The following UTRN variants were observed in gnomAD, a reference collection of about 807,000 sequenced individuals.
UTRN encodes the protein utrophin.
In UTRN, 283 loss-of-function variants were observed where a neutral mutation model predicts 463.9. The ratio of observed to expected loss-of-function variants is 0.61; its 90% CI spans 0.55 to 0.67. The LOEUF is 0.67. Among genes scored for constraint, UTRN ranks in the 30% least tolerant of loss-of-function variants. The pLI is 0.00. For missense variants in UTRN, 3,922 were observed against 4,084.3 expected (o/e 0.96, Z 1.08); for synonymous variants, 1,442 against 1,431.5 (o/e 1.01, Z -0.17).
chr6:144,802,826 T>C (rs2128747200), intron 64 of UTRN, among the ~76,000 whole-genome samples: 1 of 152,320 alleles, frequency 6.6e-6, no homozygotes, highest in East Asian at 1.9e-4. Context: ...CCTATCATTT[T>C]CCATTCGTAT....
intron 2 of UTRN, among the ~76,000 whole-genome samples, chr6:144,386,981 C>A (rs765098798): frequency 4.6e-5 from 7 of 152,046 alleles, no homozygotes; most frequent in Non-Finnish European, 7.4e-5. Context: ...CATCAAAGTA[C>A]ATAAGCAAAG....
chr6:144,507,397 G>A (rs1419425347), intron 34 of UTRN, among the ~76,000 whole-genome samples: 7 of 151,962 alleles, frequency 4.6e-5, no homozygotes, highest in East Asian at 1.9e-4. Flanking sequence ...CCTCATCTTC[G>A]TGGATTTATC....
chr6:144,329,512 T>G (rs148671926), intron 2 of UTRN, among the ~76,000 whole-genome samples: 4 of 152,324 alleles, frequency 2.6e-5, no homozygotes, highest in Non-Finnish European at 5.9e-5. Context: ...ACTTCTAGCA[T>G]CTCTAACCTC....
chr6:144,742,434 A>G (rs1790204445), intron 54 of UTRN, among the ~76,000 whole-genome samples: 2 of 152,186 alleles, frequency 1.3e-5, no homozygotes, highest in African/African-American at 4.8e-5. Flanking sequence ...GAAATAATGT[A>G]TTTCCCAATA....
chr6:144,329,984 A>G (rs1461541342), intron 2 of UTRN, among the ~76,000 whole-genome samples: 1 of 152,230 alleles, frequency 6.6e-6, no homozygotes, highest in Non-Finnish European at 1.5e-5. Flanking sequence ...CGAGAACCAG[A>G]CATCAAATTG....
intron 2 of UTRN, among the ~76,000 whole-genome samples, chr6:144,348,044 A>G (rs956588724): frequency 4.0e-5 from 6 of 151,812 alleles, no homozygotes; most frequent in African/African-American, 1.5e-4. Context: ...ATGGGATCTC[A>G]CTATGTTGCC....
intron 51 of UTRN, among the ~76,000 whole-genome samples, chr6:144,580,113 C>T (rs1801822058): frequency 6.6e-6 from 1 of 152,096 alleles, no homozygotes; most frequent in Non-Finnish European, 1.5e-5. Flanking sequence ...AGTAAACAGA[C>T]ATTTAAAATA....
chr6:144,344,107 A>AC, intron 2 of UTRN: 4 of 1,160,146 alleles, frequency 3.4e-6, no homozygotes, highest in Non-Finnish European at 4.3e-6. Context: ...AAAAAAAAAA[A>AC]AAACCCAAAA....
At chr6:144,840,636 A>C in intron 72 of UTRN, 104 bp from the exon 73 acceptor site, 1 of 1,250,680 alleles carries the variant, frequency 8.0e-7, no homozygotes, top group Middle Eastern at 2.0e-4. Flanking sequence ...TTTCACATTG[A>C]TATTTAGAGG....
intron 50 of UTRN, among the ~76,000 whole-genome samples, chr6:144,561,437 CAT>C (rs1236784209): frequency 1.3e-5 from 2 of 151,484 alleles, no homozygotes; most frequent in Non-Finnish European, 1.5e-5. Context: ...TATATACACA[CAT>C]AGTTATCTAC....
At chr6:144,553,437 G>A (rs990351383) in intron 48 of UTRN, among the ~76,000 whole-genome samples, 3 of 152,122 alleles carry the variant, frequency 2.0e-5, no homozygotes, top group South Asian at 2.1e-4. Flanking sequence ...TTGTAGTTAC[G>A]TTCCTCTTGG....
At chr6:144,698,072 G>A (rs1784202566) in intron 52 of UTRN, among the ~76,000 whole-genome samples, 1 of 152,090 alleles carries the variant, frequency 6.6e-6, no homozygotes, top group African/African-American at 2.4e-5. Context: ...TAAAAATATT[G>A]GAAAGAAATT....
At chr6:144,692,458 G>T (rs1032802641) in intron 52 of UTRN, among the ~76,000 whole-genome samples, 2 of 152,148 alleles carry the variant, frequency 1.3e-5, no homozygotes, top group Non-Finnish European at 2.9e-5. Context: ...AGGTCTTTGA[G>T]GAGTCGCCAC....
intron 51 of UTRN, among the ~76,000 whole-genome samples, chr6:144,641,876 A>C (rs375458927): frequency 9.8e-5 from 15 of 152,350 alleles, no homozygotes; most frequent in African/African-American, 3.1e-4. Flanking sequence ...AGTTCACAGA[A>C]ATATTGCTGA....
At position 144,527,642 on chromosome 6, in the gene UTRN, C is replaced by T. The variant is rs1796679052; in HGVS notation, c.5907-3410C>T. ...TTGGGAACACAAATTATTCTTTGGT[C>T]TTTTAACATATTCCCAAACTTCATG... On this transcript the variant is annotated intron_variant, in intron 41 of 74. Coordinates refer to ENST00000367545, the MANE Select transcript of UTRN (RefSeq NM_007124.3). Among the ~76,000 whole-genome samples, 4 of 152,174 alleles carry T rather than the reference C, an allele frequency of 2.6e-5. 1 individual carries two copies. In the South Asian group the frequency reaches 8.3e-4, roughly 31 times the overall value.
At chr6:144,724,750 G>A (rs1029867187) in intron 53 of UTRN, among the ~76,000 whole-genome samples, 4 of 152,074 alleles carry the variant, frequency 2.6e-5, no homozygotes, top group African/African-American at 9.7e-5. Context: ...CCATGTTATA[G>A]CACATATCAG....
At position 144,738,798 on chromosome 6, in the gene UTRN, C is replaced by G. The variant is rs553693587; in HGVS notation, c.7939+8312C>G. On this transcript the variant is annotated intron_variant, in intron 54 of 74. Transcript: ENST00000367545. ...TATTCCAGTTAAAGAATTACTGTTA[C>G]TACAACTACTATTTTATTTAAGCTG... Among the ~76,000 whole-genome samples the G allele has an allele frequency of 3.3e-5, 5 of 152,190 alleles. No homozygotes were observed. In the East Asian group the frequency reaches 9.6e-4, roughly 29 times the overall value.
chr6:144,744,866 G>A (rs1404650798), intron 54 of UTRN, among the ~76,000 whole-genome samples: 1 of 152,120 alleles, frequency 6.6e-6, no homozygotes, highest in Non-Finnish European at 1.5e-5. Flanking sequence ...GTTGACACAA[G>A]AACCCAGTGG....
At chr6:144,587,140 C>T (rs148512463) in intron 51 of UTRN, among the ~76,000 whole-genome samples, 5 of 152,244 alleles carry the variant, frequency 3.3e-5, no homozygotes, top group Admixed American at 2.6e-4. Context: ...ATACACAACA[C>T]GATTTTGGTG....
Sources: gnomAD v4.1 joint callset for allele counts (sites outside exome capture counted in the v4.1 genomes callset) on GRCh38, gnomAD v4.1.1 for gene constraint, MANE v1.5 for transcripts, NCBI Gene and HGNC (gene_info 2026-07-23, HGNC 2026-07-21) for gene names.